DERL3: variants seen among roughly 807,000 people sequenced by gnomAD.
The protein encoded by DERL3 is derlin 3.
A neutral mutation model predicts 23.8 loss-of-function variants in DERL3; 20 were observed. The observed-to-expected ratio is 0.84, with a 90% CI of 0.59 to 1.22. DERL3 has a LOEUF of 1.22. Ranked by LOEUF, DERL3 falls within the 50% of genes most tolerant of loss-of-function variation. The pLI is 0.00. For synonymous variants in DERL3, 145 were observed against 132.5 expected, an observed-to-expected ratio of 1.09 and a Z score of -0.65; for missense variants, 319 against 304.1, an observed-to-expected ratio of 1.05 and a Z score of -0.36.
intron 4 of DERL3, chr22:23,838,112 C>T: frequency 1.3e-6 from 2 of 1,513,872 alleles, no homozygotes; most frequent in Non-Finnish European, 1.8e-6. Context: ...GCATTCAGGG[C>T]TCAGCTAGTG....
Position 23,836,624 on chromosome 22 carries a change from T to C in DERL3, c.*245A>G, listed in dbSNP as rs963308635. The stretch of plus-strand genomic sequence containing the variant: ...TTTCTTTGCCCTCTGTGGGCACCCC[T>C]ATCCTACCACCTGCAGTTGGGCTGA... On this transcript the variant is annotated 3_prime_UTR_variant, in exon 7 of 7. Coordinates refer to ENST00000318109, the MANE Select transcript of DERL3 (RefSeq NM_001002862.3). 2 of 1,230,734 alleles carry C rather than the reference T, an allele frequency of 1.6e-6. No individual in the cohort carries two copies. The highest frequency in any genetic ancestry group is 8.6e-5 in the Admixed American group (2 of 23,278). 76.2% of individuals were successfully genotyped at this position (1,230,734 alleles called of 1,614,324 possible). A position where few individuals can be genotyped will look rare whatever the true frequency, so the allele number is the denominator to read the frequency against.
chr22:23,838,565 C>G lies in DERL3; in HGVS notation c.232G>C (p.Val78Leu). 1 of 1,585,280 alleles carries G rather than the reference C, an allele frequency of 6.3e-7. No individual in the cohort carries two copies. Among genetic ancestry groups the G allele is most frequent in the Non-Finnish European group, 8.6e-7 (1 of 1,166,582 alleles). ...CCGTGTCCGCAGGGCGCAGGATACA[C>G]GAAGAGCATGTTGAAGAAGAAGCTG... ...GFSFFFNMLF[V>L]FRYCRMLEEG... The change falls in exon 3 of 7, where the codon GTG becomes CTG. Residue 78 changes from valine (V) to leucine (L), a missense_variant and splice_region_variant. By Grantham distance (32) the Val-to-Leu change is conservative. Coordinates refer to ENST00000318109, the MANE Select transcript of DERL3 (RefSeq NM_001002862.3).
In DERL3 at chr22:23,834,617, G is replaced by T; in HGVS notation, c.*2252C>A. On this transcript the variant is annotated 3_prime_UTR_variant, in exon 7 of 7. Transcript: ENST00000318109. ...ACGAAGGTGGTATGTGAACAAGGTTGGCACACAGGCCTCACCCTCCTCTGC... is the reference window on the plus strand; with the variant it reads ...ACGAAGGTGGTATGTGAACAAGGTTTGCACACAGGCCTCACCCTCCTCTGC... 1 of 745,692 alleles carries T rather than the reference G, an allele frequency of 1.3e-6. No homozygotes were observed. The highest frequency in any genetic ancestry group is 2.3e-6 in the Non-Finnish European group (1 of 436,284). The allele number at this position is 745,692 out of a possible 1,614,324, so 46.2% of individuals were successfully genotyped here.
At chr22:23,838,040 C>T in intron 4 of DERL3, 186 bp from the exon 5 acceptor site, 1 of 1,391,602 alleles carries the variant, frequency 7.2e-7, no homozygotes, top group Non-Finnish European at 9.6e-7. Flanking sequence ...CCCTGCACAC[C>T]TACAGCCTCA....
chr22:23,836,811 G>A lies in DERL3; in HGVS notation c.*58C>T. The A allele has an allele frequency of 2.1e-6, 3 of 1,424,430 alleles. No homozygotes were observed. The highest frequency in any genetic ancestry group is 2.8e-6 in the Non-Finnish European group (3 of 1,088,174). The allele number at this position is 1,424,430 out of a possible 1,614,324, so 88.2% of individuals were successfully genotyped here. A position where few individuals can be genotyped will look rare whatever the true frequency, so the allele number is the denominator to read the frequency against. Reference sequence around the variant, plus strand: ...GATGGGTTTTTTCTGCCCCAAGTAGGGGTCATGGGTAGGATGGAAGCTGCC... The same window carrying A: ...GATGGGTTTTTTCTGCCCCAAGTAGAGGTCATGGGTAGGATGGAAGCTGCC... On this transcript the variant is annotated 3_prime_UTR_variant, in exon 7 of 7. Coordinates refer to ENST00000318109, the MANE Select transcript of DERL3 (RefSeq NM_001002862.3).
Position 23,835,030 on chromosome 22 carries a change from G to T in DERL3, c.*1839C>A. On this transcript the variant is annotated 3_prime_UTR_variant, in exon 7 of 7. Coordinates refer to ENST00000318109, the MANE Select transcript of DERL3 (RefSeq NM_001002862.3). The stretch of plus-strand genomic sequence containing the variant: ...TCCAGTGGCACCCATAGCCAGGTCA[G>T]CTGGGGCCCTTTCCCACCCCAGCAG... 1 of 1,416,356 alleles carries T rather than the reference G, an allele frequency of 7.1e-7. No individual in the cohort carries two copies. The highest frequency in any genetic ancestry group is 1.5e-5 in the South Asian group (1 of 65,538). 87.7% of individuals were successfully genotyped at this position (1,416,356 alleles called of 1,614,324 possible).
rs57388034 is a variant in DERL3 at position 23,835,345 on chromosome 22, A to G, written c.*1524T>C. On this transcript the variant is annotated 3_prime_UTR_variant, in exon 7 of 7. Coordinates refer to ENST00000318109, the MANE Select transcript of DERL3 (RefSeq NM_001002862.3). ...GGGCACAGATCCGGGCACAGATCCC[A>G]GCACAGACTGCTGCCACCCTCAGCT... 0.014 allele frequency: 14,318 copies of G among 997,594 alleles called. 1,572 individuals carry two copies. In the African/African-American group the frequency reaches 0.23, roughly 16 times the overall value. The allele number at this position is 997,594 out of a possible 1,614,324, so 61.8% of individuals were successfully genotyped here. A position where few individuals can be genotyped will look rare whatever the true frequency, so the allele number is the denominator to read the frequency against.
At position 23,834,920 on chromosome 22, in the gene DERL3, G is replaced by T; in HGVS notation, c.*1949C>A. 1 of 1,610,048 alleles carries T rather than the reference G, an allele frequency of 6.2e-7. No homozygotes were observed. On this transcript the variant is annotated 3_prime_UTR_variant, in exon 7 of 7. Coordinates refer to ENST00000318109, the MANE Select transcript of DERL3 (RefSeq NM_001002862.3). ...GGCTACTGCCAGCTGGGGCCTTGCTGCTCTGAAGTCCCCTGCGGAGGGCCC... is the reference window on the plus strand; with the variant it reads ...GGCTACTGCCAGCTGGGGCCTTGCTTCTCTGAAGTCCCCTGCGGAGGGCCC...
chr22:23,835,802 C>A lies in DERL3; in HGVS notation c.*1067G>T, dbSNP rs558519542. ...ACTGGGGGGATGGAAGGAACCTTGG[C>A]TGCCTCACCCCACAGGTCGGGCAGG... On this transcript the variant is annotated 3_prime_UTR_variant, in exon 7 of 7. Transcript: ENST00000318109. The A allele has an allele frequency of 1.6e-5, 16 of 985,516 alleles. No homozygotes were observed. In the African/African-American group the frequency reaches 2.8e-4, roughly 17 times the overall value. 61.0% of individuals were successfully genotyped at this position (985,516 alleles called of 1,614,324 possible).
chr22:23,837,474 A>ATTATGTGGGCCAT lies in DERL3; in HGVS notation c.523+184_523+185insATGGCCCACATAA, dbSNP rs1568968791. ...TCAGTAGATCCGTCCTGACGATGCA[A>ATTATGTGGGCCAT]ATTATGTGGGCCGGCTGGCTTGAGG... On this transcript the variant is annotated intron_variant, in intron 5 of 6. Coordinates refer to ENST00000318109, the MANE Select transcript of DERL3 (RefSeq NM_001002862.3). The ATTATGTGGGCCAT allele has an allele frequency of 3.6e-5, 25 of 691,320 alleles. No homozygotes were observed. In the African/African-American group the frequency reaches 3.8e-4, roughly 10 times the overall value. 42.8% of individuals were successfully genotyped at this position (691,320 alleles called of 1,614,324 possible).
Position 23,838,586 on chromosome 22 carries a change from A to G in DERL3, c.211T>C (p.Phe71Leu). Residue 71 changes from phenylalanine (F) to leucine (L), a missense_variant, in exon 3 of 7, where the codon TTC becomes CTC. By Grantham distance (22) the Phe-to-Leu change is conservative (BLOSUM62 0). Coordinates refer to ENST00000318109, the MANE Select transcript of DERL3 (RefSeq NM_001002862.3). The part of the protein sequence containing the change: ...FLFFGPLGFS[F>L]FFNMLFVFRY... ...TACACGAAGAGCATGTTGAAGAAGA[A>G]GCTGAATCCCAGGGGCCCGAAGAAG... The G allele has an allele frequency of 6.3e-7, 1 of 1,584,206 alleles. No individual in the cohort carries two copies. The highest frequency in any genetic ancestry group is 8.6e-7 in the Non-Finnish European group (1 of 1,166,448).
rs1204591834 is a variant in DERL3 at position 23,836,893 on chromosome 22, G to A, written c.684C>T (p.Pro228=). 1 of 1,485,498 alleles carries A rather than the reference G, an allele frequency of 6.7e-7. No individual in the cohort carries two copies. Among genetic ancestry groups the A allele is most frequent in the Admixed American group, 2.5e-5 (1 of 39,670 alleles). The allele number at this position is 1,485,498 out of a possible 1,614,324, so 92.0% of individuals were successfully genotyped here. Residue 228 remains proline, a synonymous_variant, in exon 7 of 7, where the codon CCC becomes CCT. Coordinates refer to ENST00000318109, the MANE Select transcript of DERL3 (RefSeq NM_001002862.3). ...YLPLPEEQPG[P]HLPPPQQ ...GTCACTGCTGCGGGGGTGGCAGATG[G>A]GGTCCTGGCTGTTCCTCAGGGAGGG...
Position 23,838,369 on chromosome 22 carries a change from C to T in DERL3, c.310G>A (p.Gly104Arg). 6.2e-7 allele frequency: 1 copy of T among 1,608,556 alleles called. No homozygotes were observed. The highest frequency in any genetic ancestry group is 2.2e-5 in the East Asian group (1 of 44,574). Residue 104 changes from glycine to arginine, a missense_variant, in exon 4 of 7, where the codon GGG becomes AGG. By Grantham distance (125) the Gly-to-Arg change is moderately radical. Transcript: ENST00000318109. ...AAGGATACGGTCATAAGGACGCCCCCGAAGAGAAACATGAAGACGAAGTCG... is the reference window on the plus strand; with the variant it reads ...AAGGATACGGTCATAAGGACGCCCCTGAAGAGAAACATGAAGACGAAGTCG... ...TADFVFMFLF[G>R]GVLMTLLGLL...
At position 23,838,787 on chromosome 22, in the gene DERL3, A is replaced by G. The variant is rs2031328526; in HGVS notation, c.94-11T>C. On this transcript the variant is annotated splice_polypyrimidine_tract_variant and intron_variant, in intron 1 of 6. Transcript: ENST00000318109. ...GAGGAGCTCCAGCTGCTGTGGAACC[A>G]GGGGCCAGTCAAGAGCTGCCCGGGA... The G allele has an allele frequency of 1.9e-6, 3 of 1,551,356 alleles. No individual in the cohort carries two copies. The highest frequency in any genetic ancestry group is 1.7e-4 in the Middle Eastern group (1 of 5,976).
Position 23,836,938 on chromosome 22 carries a change from T to G in DERL3, c.639A>C (p.Ala213=). The change falls in exon 7 of 7, where the codon GCA becomes GCC. Residue 213 remains alanine, a synonymous_variant. Transcript: ENST00000318109. Reference sequence around the variant, plus strand: ...GGAGGGGCAGGTAATTGGGGTCTTCTGCAGGGGCATCCAGGAGCAGCTTTC... The same window carrying G: ...GGAGGGGCAGGTAATTGGGGTCTTCGGCAGGGGCATCCAGGAGCAGCTTTC... ...GFLKLLLDAP[A]EDPNYLPLPE... is the part of the protein sequence containing the mutation. 6.3e-7 allele frequency: 1 copy of G among 1,578,852 alleles called. No homozygotes were observed.
Position 23,837,805 on chromosome 22 carries a change from G to C in DERL3, c.377C>G (p.Ala126Gly). ...SLFFLGQALM[A>G]MLVYVWSRRS... Reference sequence around the variant, plus strand: ...GCGGCTCCACACGTACACCAGCATGGCCATGAGGGCCTGGCCCAGGAAGAA... The same window carrying C: ...GCGGCTCCACACGTACACCAGCATGCCCATGAGGGCCTGGCCCAGGAAGAA... The change falls in exon 5 of 7, where the codon GCC becomes GGC. Residue 126 changes from alanine (A) to glycine (G), a missense_variant. Ala to Gly is a moderately conservative substitution (Grantham distance 60, BLOSUM62 0). Coordinates refer to ENST00000318109, the MANE Select transcript of DERL3 (RefSeq NM_001002862.3). 2 of 1,613,814 alleles carry C rather than the reference G, an allele frequency of 1.2e-6. No individual in the cohort carries two copies. The highest frequency in any genetic ancestry group is 1.7e-6 in the Non-Finnish European group (2 of 1,179,992).
In DERL3 at chr22:23,835,507, A is replaced by AG; in HGVS notation, c.*1361dup. On this transcript the variant is annotated 3_prime_UTR_variant, in exon 7 of 7. Coordinates refer to ENST00000318109, the MANE Select transcript of DERL3 (RefSeq NM_001002862.3). ...GGGTTCTTGGTCGCTGAGATGTGAG[A>AG]GGAGGGCTCCTTTGAGCACATGTTA... The AG allele has an allele frequency of 3.0e-6, 3 of 985,540 alleles. No individual in the cohort carries two copies. The highest frequency in any genetic ancestry group is 3.6e-6 in the Non-Finnish European group (3 of 830,004). The allele number at this position is 985,540 out of a possible 1,614,324, so 61.0% of individuals were successfully genotyped here.
chr22:23,834,888 A>T lies in DERL3; in HGVS notation c.*1981T>A, dbSNP rs578226102. The T allele has an allele frequency of 6.2e-7, 1 of 1,612,310 alleles. No individual in the cohort carries two copies. Among genetic ancestry groups the T allele is most frequent in the East Asian group, 2.2e-5 (1 of 44,872 alleles). ...GCCGCCCTGGCTCTGCTGTGTCCAG[A>T]TGGTCAGGCTACTGCCAGCTGGGGC... On this transcript the variant is annotated 3_prime_UTR_variant, in exon 7 of 7. Transcript: ENST00000318109.
Position 23,835,068 on chromosome 22 carries a change from G to A in DERL3, c.*1801C>T. The A allele has an allele frequency of 2.9e-6, 4 of 1,397,512 alleles. No individual in the cohort carries two copies. Among genetic ancestry groups the A allele is most frequent in the Non-Finnish European group, 3.7e-6 (4 of 1,078,850 alleles). The allele number at this position is 1,397,512 out of a possible 1,614,324, so 86.6% of individuals were successfully genotyped here. On this transcript the variant is annotated 3_prime_UTR_variant, in exon 7 of 7. Transcript: ENST00000318109. ...CCCACCCCAGCAGGTGCTGTGGCCTGGGCCAGCTCCTGCCTTACAAGCCAG... is the reference window on the plus strand; with the variant it reads ...CCCACCCCAGCAGGTGCTGTGGCCTAGGCCAGCTCCTGCCTTACAAGCCAG...
Sources: allele counts gnomAD v4.1 joint callset, GRCh38; gene constraint gnomAD v4.1.1; transcripts MANE v1.5; gene names NCBI Gene and HGNC (gene_info 2026-07-23, HGNC 2026-07-21).